Variants in PHLDB2 observed in about 807,000 individuals in gnomAD.
PHLDB2 encodes the protein pleckstrin homology like domain family B member 2.
In PHLDB2, 71 loss-of-function variants were observed where a neutral mutation model predicts 123.6. The observed-to-expected ratio is 0.57, with a 90% CI of 0.47 to 0.70. PHLDB2 has a LOEUF of 0.70. PHLDB2 is among the 30% of genes least tolerant of loss of function. The probability of loss-of-function intolerance (pLI) is 0.00; values close to 1 mark genes in which losing one functional copy is unlikely to be tolerated. For missense variants in PHLDB2, 1,446 were observed against 1,519.5 expected, an observed-to-expected ratio of 0.95 and a Z score of 0.80; for synonymous variants, 547 against 541.6, an observed-to-expected ratio of 1.01 and a Z score of -0.14.
intron 1 of PHLDB2, among the ~76,000 whole-genome samples, chr3:111,798,380 A>C (rs2061249274): frequency 1.3e-5 from 2 of 152,246 alleles, no homozygotes; most frequent in Admixed American, 1.3e-4. Context: ...TTTAAAACTC[A>C]AATCATCTGT....
upstream of PHLDB2, among the ~76,000 whole-genome samples, chr3:111,857,897 G>A (rs976870543): frequency 1.2e-4 from 18 of 152,332 alleles, no homozygotes; most frequent in Admixed American, 5.2e-4. Context: ...ACAGTGTGGC[G>A]ATTCCTCAGG....
In PHLDB2 at chr3:111,834,078, TACTATATATGTAATAGA is replaced by T. The variant is rs1559857843; in HGVS notation, c.-48-11741_-48-11725del. Among the ~76,000 whole-genome samples, 39 of 119,836 alleles carry T rather than the reference TACTATATATGTAATAGA, an allele frequency of 3.3e-4. 1 individual carries two copies. The highest frequency in any genetic ancestry group is 3.9e-4 in the African/African-American group (11 of 27,906). The allele number at this position is 119,836 out of a possible 152,430, so 78.6% of individuals were successfully genotyped here. A position where few individuals can be genotyped will look rare whatever the true frequency, so the allele number is the denominator to read the frequency against. ...ATAATATATGTAATAGAATTATATA[TACTATATATGTAATAGA>T]ATTATATATATTATATATGTAATAG... is the stretch of plus-strand genomic sequence containing the variant. On this transcript the variant is annotated intron_variant, in intron 1 of 17. Transcript: ENST00000393923.
At position 111,948,924 on chromosome 3, in the gene PHLDB2, C is replaced by T. The variant is rs924036593; in HGVS notation, c.2488-8C>T. 6.2e-7 allele frequency: 1 copy of T among 1,613,328 alleles called. No individual in the cohort carries two copies. Among genetic ancestry groups the T allele is most frequent in the East Asian group, 2.2e-5 (1 of 44,866 alleles). On this transcript the variant is annotated splice_region_variant and splice_polypyrimidine_tract_variant and intron_variant, in intron 9 of 17. Transcript: ENST00000431670. ...CTTTGTGTTTAACTTCTGAATTCCT[C>T]CTTTTAGGGCTATATCAGTGTAAAT...
chr3:111,913,515 A>C lies in PHLDB2; in HGVS notation c.1532A>C (p.Lys511Thr). The C allele has an allele frequency of 1.9e-6, 3 of 1,614,080 alleles. No homozygotes were observed. The highest frequency in any genetic ancestry group is 2.5e-6 in the Non-Finnish European group (3 of 1,179,992). Reference protein sequence around the residue: ...SPDTRYRCHRKDSLPDADLAS... With the variant: ...SPDTRYRCHRTDSLPDADLAS... ...GACACAAGATACAGGTGCCACCGGA[A>C]AGACTCCCTCCCTGATGCAGACTTG... Residue 511 changes from lysine (K) to threonine (T), a missense_variant, in exon 3 of 18, where the codon AAA becomes ACA. Physicochemically the swap from Lys to Thr is moderately conservative, Grantham distance 78. Transcript: ENST00000431670.
intron 1 of PHLDB2, among the ~76,000 whole-genome samples, chr3:111,781,741 T>C (rs1055041574): frequency 1.3e-5 from 2 of 152,138 alleles, no homozygotes; most frequent in African/African-American, 2.4e-5. Flanking sequence ...CATTCCTTTC[T>C]CCCCACACTC....
At chr3:111,895,683 A>G (rs965668597) in intron 2 of PHLDB2, among the ~76,000 whole-genome samples, 5 of 152,160 alleles carry the variant, frequency 3.3e-5, no homozygotes, top group African/African-American at 1.2e-4. Context: ...CCTCGTCTCT[A>G]CTAAAAAAAT....
intron 12 of PHLDB2, among the ~76,000 whole-genome samples, chr3:111,955,894 A>G (rs996249054): frequency 1.7e-4 from 26 of 152,266 alleles, no homozygotes; most frequent in Admixed American, 1.6e-3. Context: ...ACAAATTACT[A>G]TACTCCATGT....
intron 1 of PHLDB2, among the ~76,000 whole-genome samples, chr3:111,874,443 C>T (rs1055916538): frequency 2.0e-5 from 3 of 152,138 alleles, no homozygotes; most frequent in Admixed American, 2.0e-4. Context: ...TGAAGATTAG[C>T]ATCCTCATAG....
At chr3:111,961,267 G>A (rs1305434133) in intron 12 of PHLDB2, among the ~76,000 whole-genome samples, 1 of 152,170 alleles carries the variant, frequency 6.6e-6, no homozygotes. Flanking sequence ...GGAGGTGGAG[G>A]TTGCAGTGAG....
Position 111,811,365 on chromosome 3 carries a change from T to A in PHLDB2, c.-48-34456T>A, listed in dbSNP as rs565165140. On this transcript the variant is annotated intron_variant, in intron 1 of 17. Transcript: ENST00000393923. ...TGTATTCTACTGTGGTCAGGAGAAC[T>A]CTTGCATTATGCATATTTTGCTACC... Among the ~76,000 whole-genome samples, 3 of 152,300 alleles carry A rather than the reference T, an allele frequency of 2.0e-5. No individual in the cohort carries two copies. In the South Asian group the frequency reaches 6.2e-4, roughly 32 times the overall value.
chr3:111,890,182 G>A (rs1030335692), intron 2 of PHLDB2, among the ~76,000 whole-genome samples: 6 of 152,216 alleles, frequency 3.9e-5, no homozygotes, highest in Non-Finnish European at 7.3e-5. Flanking sequence ...GTCAGATCGT[G>A]AAACCAGATT....
intron 1 of PHLDB2, among the ~76,000 whole-genome samples, chr3:111,788,526 C>T (rs998956015): frequency 6.6e-6 from 1 of 152,192 alleles, no homozygotes; most frequent in South Asian, 2.1e-4. Context: ...CCCTTTGTCT[C>T]TTCTCCTGTT....
At chr3:111,848,267 T>G (rs2108593146) in intron 2 of PHLDB2, among the ~76,000 whole-genome samples, 1 of 152,312 alleles carries the variant, frequency 6.6e-6, no homozygotes, top group African/African-American at 2.4e-5. Context: ...CTTTGAGAAC[T>G]AATTACCAGT....
rs1187167545 is a variant in PHLDB2 at position 111,948,951 on chromosome 3, A to G, written c.2507A>G (p.Glu836Gly). The change falls in exon 10 of 18, where the codon GAG becomes GGG. Residue 836 changes from glutamate to glycine, a missense_variant. This residue lies in a region of PHLDB2 where 594 missense variants were observed against 646.0 expected (regional missense o/e 0.92). Coordinates refer to ENST00000431670, the MANE Select transcript of PHLDB2 (RefSeq NM_001134438.2). ...TTTTAGGGCTATATCAGTGTAAATGAGATTAATGAGCCGTGTGGCAATTCC... is the reference window on the plus strand; with the variant it reads ...TTTTAGGGCTATATCAGTGTAAATGGGATTAATGAGCCGTGTGGCAATTCC... ...TLKEGYISVN[E>G]INEPCGNSTN... 6.2e-7 allele frequency: 1 copy of G among 1,614,024 alleles called. No homozygotes were observed. The highest frequency in any genetic ancestry group is 1.1e-5 in the South Asian group (1 of 91,084).
chr3:111,858,356 G>A (rs559616262), upstream of PHLDB2, among the ~76,000 whole-genome samples: 5 of 152,074 alleles, frequency 3.3e-5, no homozygotes, highest in Non-Finnish European at 7.4e-5. Context: ...TAATGCATGC[G>A]GAGCTTAAAA....
At chr3:111,797,213 GTGATTAT>G (rs1355587377) in intron 1 of PHLDB2, among the ~76,000 whole-genome samples, 1 of 152,112 alleles carries the variant, frequency 6.6e-6, no homozygotes, top group African/African-American at 2.4e-5. Flanking sequence ...ATGTGTTGAC[GTGATTAT>G]TGACTCAATA....
At chr3:111,951,006 C>T (rs1423966985) in intron 10 of PHLDB2, among the ~76,000 whole-genome samples, 1 of 152,138 alleles carries the variant, frequency 6.6e-6, no homozygotes, top group African/African-American at 2.4e-5. Context: ...TGTCAAATTT[C>T]AGTTAGACTG....
intron 17 of PHLDB2, 111 bp from the exon 18 acceptor site, chr3:111,974,312 T>C (rs1388133642): frequency 5.5e-6 from 6 of 1,082,542 alleles, no homozygotes; most frequent in South Asian, 4.0e-5. Flanking sequence ...AGTAACGCCT[T>C]TGTAAATTTA....
At position 111,948,904 on chromosome 3, in the gene PHLDB2, T is replaced by C. The variant is rs2107625904; in HGVS notation, c.2488-28T>C. ...CATGCCTCAGCTTTTGCTTTCTTTG[T>C]GTTTAACTTCTGAATTCCTCCTTTT... On this transcript the variant is annotated intron_variant, in intron 9 of 17. Transcript: ENST00000431670. 13 of 1,611,408 alleles carry C rather than the reference T, an allele frequency of 8.1e-6. 1 individual carries two copies. The Middle Eastern group carries it at 1.7e-3, about 205-fold the overall frequency.
Sources: gnomAD v4.1 joint callset for allele counts (sites outside exome capture counted in the v4.1 genomes callset) on GRCh38, gnomAD v4.1.1 for gene constraint, gnomAD v4.1.1 regional missense constraint, MANE v1.5 for transcripts, NCBI Gene and HGNC (gene_info 2026-07-23, HGNC 2026-07-21) for gene names.